Variants in DLG2 observed in about 807,000 individuals in gnomAD.
The protein encoded by DLG2 is discs large MAGUK scaffold protein 2.
DLG2 carries 45 observed loss-of-function variants against 132.5 expected under a neutral mutation model. The ratio of observed to expected loss-of-function variants is 0.34; its 90% CI spans 0.27 to 0.44. The LOEUF is 0.44. Among genes scored for constraint, DLG2 ranks in the 20% least tolerant of loss-of-function variants. DLG2 has a pLI of 1.00. For missense variants in DLG2, 1,045 were observed against 1,196.9 expected, an observed-to-expected ratio of 0.87 and a Z score of 1.87; for synonymous variants, 424 against 419.6, an observed-to-expected ratio of 1.01 and a Z score of -0.13.
Position 85,488,692 on chromosome 11 carries a change from G to T in DLG2, c.40+109965C>A, listed in dbSNP as rs894097045. 5.9e-5 allele frequency among the ~76,000 whole-genome samples: 9 copies of T among 152,256 alleles called. No homozygotes were observed. In the East Asian group the frequency reaches 1.2e-3, roughly 20 times the overall value. On this transcript the variant is annotated intron_variant, in intron 3 of 27. Coordinates refer to ENST00000376104, the MANE Select transcript of DLG2 (RefSeq NM_001142699.3). ...AAAGCCTTATGGGCCAGAAGAGAAT[G>T]GAATGACATATTCAAAGTGCTGAAA...
chr11:83,946,834 T>C (rs1345196189), intron 14 of DLG2, among the ~76,000 whole-genome samples: 1 of 152,234 alleles, frequency 6.6e-6, no homozygotes, highest in Non-Finnish European at 1.5e-5. Context: ...GTTCTGGGGA[T>C]AGCCCTACCT....
At chr11:84,492,563 G>A (rs927726585) in intron 7 of DLG2, among the ~76,000 whole-genome samples, 1 of 152,104 alleles carries the variant, frequency 6.6e-6, no homozygotes, top group Non-Finnish European at 1.5e-5. Context: ...TAAACCTCAG[G>A]TTCCTCAGCT....
rs78344244 is a variant in DLG2 at position 84,388,477 on chromosome 11, T to C, written c.520-137186A>G. On this transcript the variant is annotated intron_variant, in intron 7 of 27. Coordinates refer to ENST00000376104, the MANE Select transcript of DLG2 (RefSeq NM_001142699.3). ...TGATGATGTAATGAGGTGGGCTGGA[T>C]GGGCTGTTTTCTGGAATTGGGTAGT... 5.1e-3 allele frequency among the ~76,000 whole-genome samples: 784 copies of C among 152,234 alleles called. 8 individuals are homozygous for C. The highest frequency in any genetic ancestry group is 0.018 in the African/African-American group (759 of 41,546).
chr11:84,121,648 G>A (rs538470892), intron 9 of DLG2, among the ~76,000 whole-genome samples: 3 of 141,302 alleles, frequency 2.1e-5, no homozygotes, highest in East Asian at 2.3e-4. Flanking sequence ...TGCAAGTTCC[G>A]CCTCCCGGGT....
chr11:84,490,648 G>A (rs1277595584), intron 7 of DLG2, among the ~76,000 whole-genome samples: 26 of 99,162 alleles, frequency 2.6e-4, no homozygotes, highest in Admixed American at 1.1e-4. Context: ...ACATATATGA[G>A]CAAAAAAAAA....
chr11:85,134,528 CA>C (rs58266385), intron 5 of DLG2, among the ~76,000 whole-genome samples: 2,967 of 34,860 alleles, frequency 0.085, 12 homozygotes, highest in East Asian at 0.15. Flanking sequence ...GACTCCGTCT[CA>C]AAAAAAAAAA....
chr11:84,767,821 T>G (rs1204690472), intron 6 of DLG2, among the ~76,000 whole-genome samples: 1 of 152,056 alleles, frequency 6.6e-6, no homozygotes, highest in Admixed American at 6.6e-5. Context: ...ATAACAGGAC[T>G]CCAAGACCTG....
At chr11:84,880,162 G>A (rs1275995187) in intron 6 of DLG2, among the ~76,000 whole-genome samples, 1 of 152,040 alleles carries the variant, frequency 6.6e-6, no homozygotes, top group African/African-American at 2.4e-5. Flanking sequence ...ATCAAATACT[G>A]GAGAAAGAAA....
rs547130027 is a variant in DLG2, at chr11:83,607,162, T to A, written c.1940+26049A>T. 2.0e-5 allele frequency among the ~76,000 whole-genome samples: 3 copies of A among 152,320 alleles called. No homozygotes were observed. In the East Asian group the frequency reaches 5.8e-4, roughly 29 times the overall value. ...TGGTTACAGTTGGTGTTTGCTTTAT[T>A]TGAACACGGTTTGGATAGTTGGCTG... On this transcript the variant is annotated intron_variant, in intron 19 of 27. Coordinates refer to ENST00000376104, the MANE Select transcript of DLG2 (RefSeq NM_001142699.3).
intron 18 of DLG2, among the ~76,000 whole-genome samples, chr11:83,747,330 GCCTT>G (rs1390271990): frequency 4.5e-5 from 3 of 66,240 alleles, no homozygotes; most frequent in Non-Finnish European, 1.0e-4. Context: ...CTTCCTTCCT[GCCTT>G]CCTTCCTGCC....
At chr11:84,062,736 A>ATTT (rs35921216) in intron 10 of DLG2, among the ~76,000 whole-genome samples, 107,077 of 149,018 alleles carry the variant, frequency 0.72, 39,406 homozygotes, top group Middle Eastern at 0.84. Context: ...GATTGTTTTA[A>ATTT]TTTTTTTTTT....
Position 84,074,942 on chromosome 11 carries a change from A to G in DLG2, c.750-15458T>C, listed in dbSNP as rs562003110. ...AACCCAAAGCCCTTACCTGCCTTAC[A>G]AAGTTTGAGCTCCTATTTATTCTTG... On this transcript the variant is annotated intron_variant, in intron 10 of 27. Transcript: ENST00000376104. Among the ~76,000 whole-genome samples the G allele has an allele frequency of 5.3e-5, 8 of 152,276 alleles. No homozygotes were observed. In the South Asian group the frequency reaches 1.4e-3, roughly 28 times the overall value.
intron 18 of DLG2, among the ~76,000 whole-genome samples, chr11:83,685,178 GCA>G: frequency 6.6e-6 from 1 of 152,228 alleles, no homozygotes; most frequent in Admixed American, 6.6e-5. Flanking sequence ...CTAACAGATG[GCA>G]CAGTCACAAT....
chr11:84,152,684 CCT>C (rs1287538202), intron 9 of DLG2, among the ~76,000 whole-genome samples: 2 of 152,074 alleles, frequency 1.3e-5, no homozygotes, highest in Non-Finnish European at 2.9e-5. Flanking sequence ...CCGCGCCCGG[CCT>C]CTTTTTTGTT....
intron 15 of DLG2, among the ~76,000 whole-genome samples, chr11:83,879,005 A>G (rs1565463436): frequency 1.3e-5 from 2 of 152,156 alleles, no homozygotes; most frequent in African/African-American, 4.8e-5. Context: ...GAACTCTCTG[A>G]TTTTTTCCAA....
intron 3 of DLG2, among the ~76,000 whole-genome samples, chr11:85,506,370 T>A (rs2093933511): frequency 6.6e-6 from 1 of 152,200 alleles, no homozygotes; most frequent in Non-Finnish European, 1.5e-5. Flanking sequence ...TAAATTTCCC[T>A]CTACACACTG....
chr11:84,504,097 A>G (rs2099231051), intron 7 of DLG2, among the ~76,000 whole-genome samples: 1 of 152,184 alleles, frequency 6.6e-6, no homozygotes, highest in Non-Finnish European at 1.5e-5. Context: ...ATTACTATAG[A>G]CCAAACTGTA....
chr11:83,965,727 T>A (rs2090029315), intron 12 of DLG2, among the ~76,000 whole-genome samples: 1 of 151,876 alleles, frequency 6.6e-6, no homozygotes, highest in Non-Finnish European at 1.5e-5. Flanking sequence ...GGAAGGAAAA[T>A]AAGGAGTCAA....
intron 6 of DLG2, among the ~76,000 whole-genome samples, chr11:84,860,358 G>A (rs968304997): frequency 1.3e-5 from 2 of 152,076 alleles, no homozygotes; most frequent in Non-Finnish European, 2.9e-5. Context: ...CAATAGCAGA[G>A]AATGTTCATT....
Sources: allele counts gnomAD v4.1 joint callset (sites outside exome capture counted in the v4.1 genomes callset), GRCh38; gene constraint gnomAD v4.1.1; transcripts MANE v1.5; gene names NCBI Gene and HGNC (gene_info 2026-07-23, HGNC 2026-07-21).